Variants in PPIC observed in about 807,000 individuals in gnomAD.
The protein encoded by PPIC is peptidylprolyl isomerase C, also known as peptidyl-prolyl cis-trans isomerase C.
PPIC carries 19 observed loss-of-function variants against 19.5 expected under a neutral mutation model. The observed-to-expected ratio is 0.98, with a 90% CI of 0.68 to 1.43. PPIC has a LOEUF of 1.43. Among genes scored for constraint, PPIC ranks in the 40% most tolerant of loss-of-function variants. The pLI is 0.00. For missense variants in PPIC, 268 were observed against 268.6 expected, an observed-to-expected ratio of 1.00 and a Z score of 0.02; for synonymous variants, 107 against 101.2, an observed-to-expected ratio of 1.06 and a Z score of -0.34.
intron 2 of PPIC, 129 bp from the exon 3 acceptor site, chr5:123,028,997 C>A: frequency 1.1e-6 from 1 of 869,704 alleles, no homozygotes; most frequent in Non-Finnish European, 1.7e-6. Flanking sequence ...TCTATCCCAG[C>A]TATGGTTTAC....
chr5:123,029,456 G>A lies in PPIC; in HGVS notation c.118-38C>T, dbSNP rs764216993. 3.9e-6 allele frequency: 6 copies of A among 1,521,436 alleles called. No individual in the cohort carries two copies. In the East Asian group the frequency reaches 1.1e-4, roughly 29 times the overall value. 94.2% of individuals were successfully genotyped at this position (1,521,436 alleles called of 1,614,324 possible). A position where few individuals can be genotyped will look rare whatever the true frequency, so the allele number is the denominator to read the frequency against. On this transcript the variant is annotated intron_variant, in intron 1 of 4. Transcript: ENST00000306442. Reference sequence around the variant, plus strand: ...GAAAGGCAAAGTGGAAGGTTATAAGGTGGAAAAGCACAAATACAAGGTAAG... The same window carrying A: ...GAAAGGCAAAGTGGAAGGTTATAAGATGGAAAAGCACAAATACAAGGTAAG...
intron 1 of PPIC, among the ~76,000 whole-genome samples, chr5:123,032,324 A>G (rs1022137955): frequency 3.3e-5 from 5 of 152,202 alleles, no homozygotes; most frequent in Non-Finnish European, 5.9e-5. Context: ...TTTCCCTACT[A>G]TGAGTGTGAG....
chr5:123,029,854 G>T (rs1390175562), intron 1 of PPIC, among the ~76,000 whole-genome samples: 4 of 152,108 alleles, frequency 2.6e-5, no homozygotes, highest in African/African-American at 7.2e-5. Flanking sequence ...AAAGAAAAAA[G>T]TTGTGAGGAA....
At position 123,023,917 on chromosome 5, in the gene PPIC, T is replaced by C; in HGVS notation, c.597A>G (p.Ile199Met). 3.7e-6 allele frequency: 6 copies of C among 1,614,146 alleles called. No homozygotes were observed. Among genetic ancestry groups the C allele is most frequent in the Non-Finnish European group, 5.1e-6 (6 of 1,180,014 alleles). ...CAACCACAAAAGGCGTTTTCACGTC[T>C]ATCTTGCCACTGTTGATGATCGAGC... ...TNCSIINSGK[I>M]DVKTPFVVEI... Residue 199 changes from isoleucine (I) to methionine (M), a missense_variant, in exon 5 of 5, where the codon ATA becomes ATG. By Grantham distance (10) the Ile-to-Met change is conservative. Transcript: ENST00000306442.
Position 123,028,835 on chromosome 5 carries a change from G to A in PPIC, c.265C>T (p.Arg89Cys), listed in dbSNP as rs149700756. 16 of 1,613,306 alleles carry A rather than the reference G, an allele frequency of 9.9e-6. No homozygotes were observed. Among genetic ancestry groups the A allele is most frequent in the Middle Eastern group, 1.7e-4 (1 of 6,058 alleles). Residue 89 changes from arginine (R) to cysteine (C), a missense_variant, in exon 3 of 5, where the codon CGT (arginine) becomes TGT (cysteine). Coordinates refer to ENST00000306442, the MANE Select transcript of PPIC (RefSeq NM_000943.5). ...GYGYKGSKFH[R>C]VIKDFMIQGG... ...TGAATCATGAAATCCTTGATGACAC[G>A]ATGAAACTTGCTTCCTTTATATCCA... is the stretch of plus-strand genomic sequence containing the variant.
At chr5:123,032,823 G>T (rs537313182) in intron 1 of PPIC, among the ~76,000 whole-genome samples, 1 of 152,288 alleles carries the variant, frequency 6.6e-6, no homozygotes, top group African/African-American at 2.4e-5. Flanking sequence ...TGGGCTTCCT[G>T]GGAAAGGTGA....
intron 3 of PPIC, 26 bp downstream of exon 3, chr5:123,028,749 G>T: frequency 6.3e-7 from 1 of 1,577,900 alleles, no homozygotes; most frequent in Non-Finnish European, 8.7e-7. Flanking sequence ...TTGGTAAATG[G>T]GAAAGGAAAA....
rs144819829 is a variant in PPIC at position 123,030,084 on chromosome 5, C to T, written c.118-666G>A. On this transcript the variant is annotated intron_variant, in intron 1 of 4. Transcript: ENST00000306442. ...GCGTGGGTCATCACGCTGACAAAGC[C>T]GTCACCCTGTAAACTCAGACACTGA... is the stretch of plus-strand genomic sequence containing the variant. 1.2e-4 allele frequency among the ~76,000 whole-genome samples: 18 copies of T among 152,282 alleles called. No individual in the cohort carries two copies. The East Asian group carries it at 3.3e-3, about 28-fold the overall frequency.
intron 1 of PPIC, among the ~76,000 whole-genome samples, chr5:123,031,181 T>A (rs536368946): frequency 1.3e-5 from 2 of 152,332 alleles, no homozygotes; most frequent in East Asian, 3.9e-4. Flanking sequence ...TCTCATTTTG[T>A]CAATAAGTAT....
In PPIC at chr5:123,029,068, T is replaced by C. The variant is rs561638062; in HGVS notation, c.232-200A>G. 41 of 846,212 alleles carry C rather than the reference T, an allele frequency of 4.8e-5. No individual in the cohort carries two copies. In the African/African-American group the frequency reaches 6.2e-4, roughly 13 times the overall value. The allele number at this position is 846,212 out of a possible 1,614,324, so 52.4% of individuals were successfully genotyped here. ...ATATGTTATGGAAGTAGAGTATTAATGTGAATAAGTTAAAAGAGAGCAAAC... is the reference window on the plus strand; with the variant it reads ...ATATGTTATGGAAGTAGAGTATTAACGTGAATAAGTTAAAAGAGAGCAAAC... On this transcript the variant is annotated intron_variant, in intron 2 of 4. Transcript: ENST00000306442.
rs1217591972 is a variant in PPIC, at chr5:123,036,619, G to A, written c.7C>T (p.Pro3Ser). ...AGAGGTAGCAGCAGCCGAGGACCCGGGCCCATGGTGAGCGGTGGCAGCGGC... is the reference window on the plus strand; with the variant it reads ...AGAGGTAGCAGCAGCCGAGGACCCGAGCCCATGGTGAGCGGTGGCAGCGGC... MG[P>S]GPRLLLPLVL... Residue 3 changes from proline to serine, a missense_variant, in exon 1 of 5, where the codon CCG (proline) becomes TCG (serine). Transcript: ENST00000306442. The surrounding 1 kb of genome is among the most constrained non-coding windows in gnomAD (Gnocchi z 4.5). 2 of 1,585,650 alleles carry A rather than the reference G, an allele frequency of 1.3e-6. No homozygotes were observed. The highest frequency in any genetic ancestry group is 1.8e-5 in the Admixed American group (1 of 55,658).
chr5:123,026,184 A>T (rs1337249217), intron 3 of PPIC, among the ~76,000 whole-genome samples: 1 of 152,216 alleles, frequency 6.6e-6, no homozygotes, highest in African/African-American at 2.4e-5. Flanking sequence ...GAAAGCCTTA[A>T]ATATGGCACA....
chr5:123,036,331 G>C lies in PPIC; in HGVS notation c.117+178C>G. 1.6e-6 allele frequency: 1 copy of C among 611,696 alleles called. No homozygotes were observed. The highest frequency in any genetic ancestry group is 2.9e-6 in the Non-Finnish European group (1 of 348,436). 37.9% of individuals were successfully genotyped at this position (611,696 alleles called of 1,614,324 possible). On this transcript the variant is annotated intron_variant, in intron 1 of 4. Transcript: ENST00000306442. The surrounding 1 kb of genome is among the most constrained non-coding windows in gnomAD (Gnocchi z 4.5). ...CAGCTCCCCCAGGGTCTCCCCCGGAGCGCCGGCCTCCCAGCACGCGAGCAG... is the reference window on the plus strand; with the variant it reads ...CAGCTCCCCCAGGGTCTCCCCCGGACCGCCGGCCTCCCAGCACGCGAGCAG...
chr5:123,029,588 T>C (rs1762917132), intron 1 of PPIC, among the ~76,000 whole-genome samples, 170 bp from the exon 2 acceptor site: 1 of 152,218 alleles, frequency 6.6e-6, no homozygotes, highest in Admixed American at 6.5e-5. Context: ...ATTGTGTGGG[T>C]GCATTTCACT....
chr5:123,025,359 A>G (rs879367106), intron 4 of PPIC, among the ~76,000 whole-genome samples: 1 of 152,176 alleles, frequency 6.6e-6, no homozygotes, highest in Non-Finnish European at 1.5e-5. Flanking sequence ...GTTTCTATCA[A>G]TGTGACCACT....
In PPIC at chr5:123,023,869, G is replaced by A. The variant is rs1407480023; in HGVS notation, c.*6C>T. On this transcript the variant is annotated 3_prime_UTR_variant, in exon 5 of 5. Transcript: ENST00000306442. ...CAAAGCATATCCTTGTTTTCTGCCAGTTGTGTCACCAATCAGCGATCTCAA... is the reference window on the plus strand; with the variant it reads ...CAAAGCATATCCTTGTTTTCTGCCAATTGTGTCACCAATCAGCGATCTCAA... 2.5e-6 allele frequency: 4 copies of A among 1,609,550 alleles called. No individual in the cohort carries two copies. The highest frequency in any genetic ancestry group is 3.4e-6 in the Non-Finnish European group (4 of 1,177,858).
intron 1 of PPIC, among the ~76,000 whole-genome samples, chr5:123,030,742 C>A (rs1230893105): frequency 6.6e-6 from 1 of 152,104 alleles, no homozygotes; most frequent in Non-Finnish European, 1.5e-5. Flanking sequence ...TTCAACACAC[C>A]CATGGGCCTG....
chr5:123,029,594 T>G (rs1418645174), intron 1 of PPIC, among the ~76,000 whole-genome samples, 176 bp from the exon 2 acceptor site: 1 of 152,230 alleles, frequency 6.6e-6, no homozygotes, highest in Non-Finnish European at 1.5e-5. Context: ...TGGGTGCATT[T>G]CACTCACAAA....
chr5:123,036,495 C>T lies in PPIC; in HGVS notation c.117+14G>A. The stretch of plus-strand genomic sequence containing the variant: ...CCGCAACAGGGGAAGTTGCAGCCCG[C>T]CGCTCTCGGTCACCTTGGCCGTCAC... On this transcript the variant is annotated intron_variant, in intron 1 of 4. Coordinates refer to ENST00000306442, the MANE Select transcript of PPIC (RefSeq NM_000943.5). The surrounding 1 kb of genome is among the most constrained non-coding windows in gnomAD (Gnocchi z 4.5). 1 of 1,600,750 alleles carries T rather than the reference C, an allele frequency of 6.2e-7. No homozygotes were observed. The highest frequency in any genetic ancestry group is 8.5e-7 in the Non-Finnish European group (1 of 1,173,634).
Sources: gnomAD v4.1 joint callset for allele counts (sites outside exome capture counted in the v4.1 genomes callset) on GRCh38, gnomAD v4.1.1 for gene constraint, Gnocchi (gnomAD v3.1) non-coding constraint, MANE v1.5 for transcripts, NCBI Gene and HGNC (gene_info 2026-07-23, HGNC 2026-07-21) for gene names.